TMEM217B: variants seen among roughly 807,000 people sequenced by gnomAD.
TMEM217B encodes the protein putative transmembrane protein 217B.
chr6:37,224,100 C>A, the TMEM217B span, among the ~76,000 whole-genome samples: 1 of 151,498 alleles, frequency 6.6e-6, no homozygotes, highest in Non-Finnish European at 1.5e-5. Context: ...CCATGCCTGG[C>A]TCATTTTTTT....
chr6:37,257,994 G>T, the TMEM217B span: 2 of 1,613,192 alleles, frequency 1.2e-6, no homozygotes, highest in African/African-American at 2.7e-5. Context: ...GACGCTGAGA[G>T]GGATAGGGGA....
At chr6:37,229,672 C>T in the TMEM217B span, among the ~76,000 whole-genome samples, 3 of 152,132 alleles carry the variant, frequency 2.0e-5, no homozygotes, top group South Asian at 2.1e-4. Context: ...CTAGTAACTT[C>T]GTTAGATTCA....
At chr6:37,238,488 A>C in the TMEM217B span, among the ~76,000 whole-genome samples, 1 of 152,154 alleles carries the variant, frequency 6.6e-6, no homozygotes, top group African/African-American at 2.4e-5. Context: ...ACCCAGGCAA[A>C]ATATGTGCTT....
chr6:37,245,973 AT>A, the TMEM217B span, among the ~76,000 whole-genome samples: 8 of 151,160 alleles, frequency 5.3e-5, no homozygotes, highest in African/African-American at 1.9e-4. Context: ...CTAATTCTGT[AT>A]TTTTTTTAGT....
the TMEM217B span, among the ~76,000 whole-genome samples, chr6:37,230,727 G>C: frequency 6.6e-6 from 1 of 152,296 alleles, no homozygotes; most frequent in African/African-American, 2.4e-5. Flanking sequence ...TCTGTGATAT[G>C]TAGTTATAGA....
chr6:37,227,689 C>T, the TMEM217B span, among the ~76,000 whole-genome samples: 6 of 152,160 alleles, frequency 3.9e-5, no homozygotes, highest in East Asian at 1.2e-3. Context: ...CGTGATCCAC[C>T]CGCCTCAGCC....
the TMEM217B span, among the ~76,000 whole-genome samples, chr6:37,240,474 C>A: frequency 6.6e-6 from 1 of 152,306 alleles, no homozygotes; most frequent in Non-Finnish European, 1.5e-5. Context: ...TGGCCACTGG[C>A]TTCCCCCAGA....
chr6:37,238,157 T>A, the TMEM217B span, among the ~76,000 whole-genome samples: 2 of 86,152 alleles, frequency 2.3e-5, no homozygotes, highest in African/African-American at 4.0e-5. Context: ...AAAGTAGAAT[T>A]AAAAACACTG....
At chr6:37,244,653 T>C in the TMEM217B span, among the ~76,000 whole-genome samples, 10 of 152,230 alleles carry the variant, frequency 6.6e-5, no homozygotes, top group East Asian at 1.7e-3. Context: ...GAGAATCATA[T>C]GTGTGTTGGC....
chr6:37,223,407 T>C, the TMEM217B span, among the ~76,000 whole-genome samples: 1 of 152,200 alleles, frequency 6.6e-6, no homozygotes, highest in Non-Finnish European at 1.5e-5. Flanking sequence ...TATAGACTTC[T>C]ATAGGAAACA....
the TMEM217B span, among the ~76,000 whole-genome samples, chr6:37,245,013 G>A: frequency 6.6e-6 from 1 of 152,196 alleles, no homozygotes. Context: ...CAATGGCAGA[G>A]AGCAACAGTG....
chr6:37,246,418 T>G, the TMEM217B span, among the ~76,000 whole-genome samples: 1 of 152,166 alleles, frequency 6.6e-6, no homozygotes, highest in Non-Finnish European at 1.5e-5. Context: ...CATATGATAC[T>G]TCTTGAGGCA....
At chr6:37,240,411 C>T in the TMEM217B span, among the ~76,000 whole-genome samples, 1 of 152,212 alleles carries the variant, frequency 6.6e-6, no homozygotes, top group Admixed American at 6.5e-5. Flanking sequence ...CCAGAGAACT[C>T]AGTTCCTCAC....
the TMEM217B span, among the ~76,000 whole-genome samples, chr6:37,248,960 G>A: frequency 2.0e-5 from 3 of 152,174 alleles, no homozygotes; most frequent in Non-Finnish European, 4.4e-5. Flanking sequence ...CTGGGTTCTG[G>A]TGGCTCCAGG....
chr6:37,234,609 G>A, the TMEM217B span, among the ~76,000 whole-genome samples: 9 of 152,064 alleles, frequency 5.9e-5, no homozygotes, highest in East Asian at 5.8e-4. Context: ...GGTGGCTTGT[G>A]TTTGTAGTCC....
the TMEM217B span, among the ~76,000 whole-genome samples, chr6:37,239,392 T>C: frequency 5.9e-5 from 9 of 152,016 alleles, no homozygotes; most frequent in South Asian, 1.7e-3. Flanking sequence ...GGAGGACTGC[T>C]TGAGCCCAGG....
At chr6:37,241,323 G>A in the TMEM217B span, among the ~76,000 whole-genome samples, 4 of 152,004 alleles carry the variant, frequency 2.6e-5, no homozygotes, top group South Asian at 2.1e-4. Context: ...AGAAAAAAAA[G>A]GTGGCTGTCT....
the TMEM217B span, among the ~76,000 whole-genome samples, chr6:37,214,718 A>G: frequency 6.6e-6 from 1 of 152,212 alleles, no homozygotes; most frequent in Non-Finnish European, 1.5e-5. Flanking sequence ...TTCACTTAGC[A>G]TAATGTTTTC....
chr6:37,218,532 T>C, the TMEM217B span: 1 of 1,614,146 alleles, frequency 6.2e-7, no homozygotes, highest in Admixed American at 1.7e-5. Flanking sequence ...GAAATTCGTC[T>C]CTTGTAGGAA....
Sources: allele counts gnomAD v4.1 joint callset (sites outside exome capture counted in the v4.1 genomes callset), GRCh38; gene constraint gnomAD v4.1.1; transcripts MANE v1.5; gene names NCBI Gene and HGNC (gene_info 2026-07-23, HGNC 2026-07-21).